SPIRE1: variants seen among roughly 807,000 people sequenced by gnomAD.
The protein encoded by SPIRE1 is spire type actin nucleation factor 1, also known as protein spire homolog 1.
In SPIRE1, 40 loss-of-function variants were observed where a neutral mutation model predicts 94.1. The ratio of observed to expected loss-of-function variants is 0.43; its 90% CI spans 0.33 to 0.55. The LOEUF (loss-of-function observed/expected upper bound fraction) is 0.55. Ranked by LOEUF, SPIRE1 falls within the 20% of genes least tolerant of loss-of-function variation. The probability of loss-of-function intolerance (pLI) is 0.06; values close to 1 mark genes in which losing one functional copy is unlikely to be tolerated. For synonymous variants in SPIRE1, 376 were observed against 371.7 expected, an observed-to-expected ratio of 1.01 and a Z score of -0.13; for missense variants, 838 against 975.2, an observed-to-expected ratio of 0.86 and a Z score of 1.87.
intron 6 of SPIRE1, among the ~76,000 whole-genome samples, chr18:12,501,290 G>A (rs1022048412): frequency 7.2e-5 from 11 of 152,148 alleles, no homozygotes; most frequent in African/African-American, 2.6e-4. Context: ...AGAGAAGAAT[G>A]GGAGTGATGC....
At chr18:12,461,544 T>TACGC (rs2031844161) in intron 12 of SPIRE1, among the ~76,000 whole-genome samples, 1 of 149,530 alleles carries the variant, frequency 6.7e-6, no homozygotes, top group African/African-American at 2.5e-5. Flanking sequence ...CGTACATATG[T>TACGC]ATATACATAC....
chr18:12,454,340 C>T lies in SPIRE1; in HGVS notation c.1776+6G>A. On this transcript the variant is annotated splice_donor_region_variant and intron_variant, in intron 13 of 16. Coordinates refer to ENST00000409402, the MANE Select transcript of SPIRE1 (RefSeq NM_001128626.2). ...CTTCTGATCAATCAACTTTAAACAG[C>T]ACTACCTTTCCTTTTTTCAAGGCGG... 1 of 1,614,080 alleles carries T rather than the reference C, an allele frequency of 6.2e-7. No individual in the cohort carries two copies. The highest frequency in any genetic ancestry group is 8.5e-7 in the Non-Finnish European group (1 of 1,179,982).
At chr18:12,549,695 T>C (rs506453) in intron 2 of SPIRE1, among the ~76,000 whole-genome samples, 61,850 of 151,544 alleles carry the variant, frequency 0.41, 15,082 homozygotes, top group African/African-American at 0.69. Context: ...GTGATCCGCC[T>C]GCCTTGGCCT....
At chr18:12,590,355 G>A (rs550043039) in intron 2 of SPIRE1, among the ~76,000 whole-genome samples, 1 of 152,120 alleles carries the variant, frequency 6.6e-6, no homozygotes, top group Non-Finnish European at 1.5e-5. Flanking sequence ...CTCCCAAAGT[G>A]TTGGGATTAC....
At chr18:12,459,762 G>T (rs1017725755) in intron 12 of SPIRE1, 4 of 985,912 alleles carry the variant, frequency 4.1e-6, no homozygotes, top group Non-Finnish European at 3.6e-6. Context: ...AACCTTTGAG[G>T]ATTTCCACCT....
rs869122444 is a variant in SPIRE1, at chr18:12,549,439, G to GT, written c.373-2536dup. ...CTTTTTGTTTGTTTTTGTTATTGTT[G>GT]TTTTTTTTTTTTTTTTTTTTTTTTT... is the stretch of plus-strand genomic sequence containing the variant. On this transcript the variant is annotated intron_variant, in intron 2 of 16. Coordinates refer to ENST00000409402, the MANE Select transcript of SPIRE1 (RefSeq NM_001128626.2). Among the ~76,000 whole-genome samples, 405 of 41,210 alleles carry GT rather than the reference G, an allele frequency of 9.8e-3. 103 individuals carry two copies. The highest frequency in any genetic ancestry group is 0.029 in the Middle Eastern group (1 of 34). The allele number at this position is 41,210 out of a possible 152,430, so 27.0% of individuals were successfully genotyped here.
chr18:12,594,412 AAT>A (rs2036618092), intron 2 of SPIRE1, among the ~76,000 whole-genome samples: 2 of 152,276 alleles, frequency 1.3e-5, no homozygotes, highest in South Asian at 4.1e-4. Flanking sequence ...ATGATGTTGA[AAT>A]ATATTTGATA....
intron 2 of SPIRE1, among the ~76,000 whole-genome samples, chr18:12,597,157 T>TACACACACACACAC (rs58238813): frequency 6.8e-4 from 98 of 144,200 alleles, no homozygotes; most frequent in Admixed American, 2.2e-3. Flanking sequence ...TGTCTCTTTC[T>TACACACACACACAC]ACACACACAC....
At chr18:12,574,613 G>A (rs1477943228) in intron 2 of SPIRE1, among the ~76,000 whole-genome samples, 2 of 152,256 alleles carry the variant, frequency 1.3e-5, no homozygotes, top group Non-Finnish European at 2.9e-5. Context: ...ATAGGCAGCT[G>A]TGTGGGTGGC....
intron 2 of SPIRE1, among the ~76,000 whole-genome samples, chr18:12,582,563 T>C (rs374588717): frequency 1.7e-4 from 26 of 152,258 alleles, no homozygotes; most frequent in African/African-American, 6.3e-4. Flanking sequence ...CGCAAGTGTG[T>C]CTCAAGGTAG....
At chr18:12,622,462 G>C (rs188029790) in intron 2 of SPIRE1, among the ~76,000 whole-genome samples, 1 of 126,962 alleles carries the variant, frequency 7.9e-6, no homozygotes, top group African/African-American at 2.9e-5. Context: ...TTGCTCTGTC[G>C]CCCAGGCTGG....
intron 3 of SPIRE1, 28 bp downstream of exon 3, chr18:12,546,646 A>C (rs1236245958): frequency 6.6e-7 from 1 of 1,521,674 alleles, no homozygotes; most frequent in Non-Finnish European, 9.1e-7. Context: ...CTTGAAAAAA[A>C]CAAGTACTGC....
At chr18:12,483,869 T>C (rs2032937540) in intron 9 of SPIRE1, among the ~76,000 whole-genome samples, 1 of 152,130 alleles carries the variant, frequency 6.6e-6, no homozygotes, top group Non-Finnish European at 1.5e-5. Context: ...ATAGTTAAAA[T>C]GCAACAATGA....
At position 12,463,506 on chromosome 18, in the gene SPIRE1, C is replaced by A; in HGVS notation, c.1496-13G>T. Reference sequence around the variant, plus strand: ...AATTTTGGAGGCTCTAAAGATTGAACCAAATGAAATAAAACTTACTGTGAA... The same window carrying A: ...AATTTTGGAGGCTCTAAAGATTGAAACAAATGAAATAAAACTTACTGTGAA... On this transcript the variant is annotated splice_polypyrimidine_tract_variant and intron_variant, in intron 11 of 16. Transcript: ENST00000409402. 1 of 1,602,164 alleles carries A rather than the reference C, an allele frequency of 6.2e-7. No homozygotes were observed. Among genetic ancestry groups the A allele is most frequent in the South Asian group, 1.1e-5 (1 of 89,654 alleles).
intron 2 of SPIRE1, among the ~76,000 whole-genome samples, chr18:12,548,888 T>G (rs534701251): frequency 6.6e-6 from 1 of 152,174 alleles, no homozygotes; most frequent in Non-Finnish European, 1.5e-5. Context: ...GTGCTAGGAT[T>G]ACAGGAATGA....
chr18:12,655,947 G>A (rs1439018348), intron 1 of SPIRE1, among the ~76,000 whole-genome samples: 1 of 152,084 alleles, frequency 6.6e-6, no homozygotes, highest in Non-Finnish European at 1.5e-5. Flanking sequence ...CACCCAGGCT[G>A]GAGTGCAGTG....
chr18:12,607,533 T>C (rs144720107), intron 2 of SPIRE1, among the ~76,000 whole-genome samples: 16 of 151,456 alleles, frequency 1.1e-4, no homozygotes, highest in African/African-American at 3.6e-4. Flanking sequence ...TACACAGTCA[T>C]TCATGACTAA....
chr18:12,509,730 A>G (rs2033960453), intron 5 of SPIRE1, among the ~76,000 whole-genome samples: 1 of 152,220 alleles, frequency 6.6e-6, no homozygotes, highest in Non-Finnish European at 1.5e-5. Flanking sequence ...ACAGATACAG[A>G]CAGCAACATG....
At chr18:12,642,267 A>G (rs1410204910) in intron 1 of SPIRE1, among the ~76,000 whole-genome samples, 1 of 152,174 alleles carries the variant, frequency 6.6e-6, no homozygotes, top group Admixed American at 6.5e-5. Flanking sequence ...CTCTGCCCCA[A>G]GCCAGGCTCT....
Sources: gnomAD v4.1 joint callset for allele counts (sites outside exome capture counted in the v4.1 genomes callset) on GRCh38, gnomAD v4.1.1 for gene constraint, MANE v1.5 for transcripts, NCBI Gene and HGNC (gene_info 2026-07-23, HGNC 2026-07-21) for gene names.